ZC3H12B: variants seen among roughly 807,000 people sequenced by gnomAD.
ZC3H12B encodes the protein zinc finger CCCH-type containing 12B.
A neutral mutation model predicts 43.9 loss-of-function variants in ZC3H12B; 7 were observed. The observed-to-expected ratio is 0.16, with a 90% CI of 0.09 to 0.30. The LOEUF (loss-of-function observed/expected upper bound fraction) is 0.30, where lower values mean the gene tolerates loss of function less well. ZC3H12B is among the 10% of genes least tolerant of loss of function. ZC3H12B has a pLI of 1.00. For missense variants in ZC3H12B, 475 were observed against 670.2 expected (o/e 0.71, Z 3.22); for synonymous variants, 222 against 241.7 (o/e 0.92, Z 0.76).
At chrX:65,308,318 C>CA in the ZC3H12B span, among the ~76,000 whole-genome samples, 119 of 109,170 alleles carry the variant, frequency 1.1e-3, 1 homozygote, top group African/African-American at 3.8e-3. Flanking sequence ...AGATGGAAAG[C>CA]AAAAAAAAGC....
chrX:65,354,854 A>G, the ZC3H12B span, among the ~76,000 whole-genome samples: 1 of 112,338 alleles, frequency 8.9e-6, no homozygotes, highest in South Asian at 3.7e-4. Context: ...AGTGGAAGAA[A>G]GGATATCAGA....
chrX:65,273,757 A>G, the ZC3H12B span, among the ~76,000 whole-genome samples: 760 of 112,357 alleles, frequency 6.8e-3, 9 homozygotes, highest in African/African-American at 0.023. Context: ...ATTTCTAAGC[A>G]GAAACATTGC....
chrX:65,331,717 TA>T, the ZC3H12B span, among the ~76,000 whole-genome samples: 2 of 111,094 alleles, frequency 1.8e-5, no homozygotes, highest in Non-Finnish European at 3.8e-5. Context: ...GATTATATGC[TA>T]AGCAAGGGGT....
rs767327735 is a variant in ZC3H12B, at chrX:65,502,652, CACAA to C, written c.1958_1961del (p.Lys653SerfsTer6). On this transcript the variant is annotated frameshift_variant, in exon 5 of 5. Transcript: ENST00000338957. LOFTEE classifies it high-confidence loss of function. ...CCCAGAGGATTCTAAGCAAGGCCCC[CACAA>C]ACAGTCAGTCCCCCACTTAGCTCTG... 2.5e-6 allele frequency: 3 copies of C among 1,209,420 alleles called. No individual in the cohort carries two copies. The highest frequency in any genetic ancestry group is 1.7e-5 in the African/African-American group (1 of 57,551).
At chrX:65,059,263 G>T in the ZC3H12B span, among the ~76,000 whole-genome samples, 4 of 94,997 alleles carry the variant, frequency 4.2e-5, no homozygotes, top group Non-Finnish European at 8.0e-5. Context: ...TTGGCTGCCT[G>T]CGCTTGTGCG....
At chrX:65,130,552 G>T in the ZC3H12B span, among the ~76,000 whole-genome samples, 1 of 111,337 alleles carries the variant, frequency 9.0e-6, no homozygotes, top group Non-Finnish European at 1.9e-5. Context: ...AATCCCTGAG[G>T]AGTAGTAGAA....
the ZC3H12B span, among the ~76,000 whole-genome samples, chrX:65,036,663 A>C: frequency 9.0e-6 from 1 of 111,415 alleles, no homozygotes; most frequent in Non-Finnish European, 1.9e-5. Context: ...TGTTTTGTGC[A>C]TTAGCAAGCT....
the ZC3H12B span, among the ~76,000 whole-genome samples, chrX:65,146,854 GGGATGTCTCTC>G: frequency 6.9e-3 from 764 of 111,458 alleles, 12 homozygotes; most frequent in African/African-American, 0.024. Context: ...CACAATATTT[GGGATGTCTCTC>G]AGGTCCTGCA....
rs1381557043 is a variant in ZC3H12B at position 65,499,243 on chromosome X, T to C, written c.983+10T>C. On this transcript the variant is annotated intron_variant, in intron 3 of 4. Transcript: ENST00000338957. ...CTTTTGTGAATGACAAGTGCGTTTC[T>C]TTCCAGTAGGCCTATATCCAAGTTA... is the stretch of plus-strand genomic sequence containing the variant. 1 of 1,128,365 alleles carries C rather than the reference T, an allele frequency of 8.9e-7. No individual in the cohort carries two copies. Among genetic ancestry groups the C allele is most frequent in the African/African-American group, 1.8e-5 (1 of 55,644 alleles). 93.0% of individuals were successfully genotyped at this position (1,128,365 alleles called of 1,213,427 possible). A position where few individuals can be genotyped will look rare whatever the true frequency, so the allele number is the denominator to read the frequency against.
At chrX:65,253,032 A>G in the ZC3H12B span, among the ~76,000 whole-genome samples, 769 of 112,321 alleles carry the variant, frequency 6.8e-3, 9 homozygotes, top group African/African-American at 0.024. Context: ...GCAAGAAACT[A>G]ATGAAGTATT....
chrX:65,158,623 G>T, the ZC3H12B span, among the ~76,000 whole-genome samples: 7 of 111,432 alleles, frequency 6.3e-5, no homozygotes, highest in Non-Finnish European at 9.4e-5. Context: ...GGGGTTGTTT[G>T]TTTTTTTCTT....
the ZC3H12B span, among the ~76,000 whole-genome samples, chrX:65,066,361 C>T: frequency 2.7e-5 from 3 of 111,300 alleles, no homozygotes; most frequent in African/African-American, 9.8e-5. Flanking sequence ...GATGTTATTC[C>T]TTTCTATTTG....
At chrX:65,338,748 A>T in the ZC3H12B span, among the ~76,000 whole-genome samples, 149 of 112,452 alleles carry the variant, frequency 1.3e-3, no homozygotes, top group African/African-American at 4.6e-3. Flanking sequence ...CATAAACAGA[A>T]CTAATAACAA....
the ZC3H12B span, among the ~76,000 whole-genome samples, chrX:65,136,526 TCA>T: frequency 1.8e-5 from 2 of 111,284 alleles, no homozygotes; most frequent in African/African-American, 6.5e-5. Context: ...TGGGGTAATC[TCA>T]CAGTTTTTTC....
At chrX:65,115,542 A>G in the ZC3H12B span, among the ~76,000 whole-genome samples, 5 of 111,300 alleles carry the variant, frequency 4.5e-5, no homozygotes, top group African/African-American at 1.6e-4. Context: ...TTTTCGTATA[A>G]TGCCTTGTTT....
chrX:65,164,839 T>C, the ZC3H12B span, among the ~76,000 whole-genome samples: 1 of 112,170 alleles, frequency 8.9e-6, no homozygotes, highest in African/African-American at 3.2e-5. Flanking sequence ...GATGTGCCCA[T>C]AATATGTTTA....
chrX:65,253,802 C>A, the ZC3H12B span, among the ~76,000 whole-genome samples: 1 of 112,031 alleles, frequency 8.9e-6, no homozygotes, highest in Non-Finnish European at 1.9e-5. Flanking sequence ...AGATGTGCAC[C>A]AGCACACTGG....
At chrX:65,438,742 G>T (rs2067259424) in intron 3 of ZC3H12B, among the ~76,000 whole-genome samples, 2 of 113,732 alleles carry the variant, frequency 1.8e-5, no homozygotes, top group African/African-American at 3.2e-5. Context: ...TCAGGATTTT[G>T]TTTGTGGCTT....
chrX:65,116,247 C>G, the ZC3H12B span, among the ~76,000 whole-genome samples: 2 of 111,465 alleles, frequency 1.8e-5, no homozygotes, highest in African/African-American at 6.5e-5. Context: ...ATGAGATCCA[C>G]TTGGATTCTT....
Sources: gnomAD v4.1 joint callset for allele counts (sites outside exome capture counted in the v4.1 genomes callset) on GRCh38, gnomAD v4.1.1 for gene constraint, MANE v1.5 for transcripts, NCBI Gene and HGNC (gene_info 2026-07-23, HGNC 2026-07-21) for gene names.